Variants in APBB1IP observed in about 807,000 individuals in gnomAD.
The protein encoded by APBB1IP is amyloid beta A4 precursor protein-binding family B member 1-interacting protein.
In APBB1IP, 27 loss-of-function variants were observed where a neutral mutation model predicts 64.9. The ratio of observed to expected loss-of-function variants is 0.42; its 90% CI spans 0.31 to 0.57. The LOEUF (loss-of-function observed/expected upper bound fraction) is 0.57. Ranked by LOEUF, APBB1IP falls within the 20% of genes least tolerant of loss-of-function variation. The pLI is 0.20. For missense variants in APBB1IP, 812 were observed against 845.5 expected (o/e 0.96, Z 0.49); for synonymous variants, 392 against 331.0 (o/e 1.18, Z -2.00).
chr10:26,500,924 C>A lies in APBB1IP; in HGVS notation c.266C>A (p.Ser89Tyr), dbSNP rs1836089104. The A allele has an allele frequency of 6.2e-7, 1 of 1,614,016 alleles. No individual in the cohort carries two copies. The highest frequency in any genetic ancestry group is 1.7e-5 in the Admixed American group (1 of 59,972). ...AGGACAATCCAGGCACAGAAAGAGT[C>A]CTTGCAGAATCAACATCATTCAGCA... ...EQRTIQAQKE[S>Y]LQNQHHSASL... The change falls in exon 5 of 15, where the codon TCC (serine) becomes TAC (tyrosine). Residue 89 changes from serine to tyrosine, a missense_variant. Coordinates refer to ENST00000376236, the MANE Select transcript of APBB1IP (RefSeq NM_019043.4).
At chr10:26,440,019 A>G (rs1835322991) in intron 2 of APBB1IP, among the ~76,000 whole-genome samples, 1 of 152,184 alleles carries the variant, frequency 6.6e-6, no homozygotes, top group African/African-American at 2.4e-5. Context: ...TTCTAGTGGT[A>G]TTTCCTGTCT....
intron 10 of APBB1IP, among the ~76,000 whole-genome samples, chr10:26,536,717 C>T (rs1396843038): frequency 8.4e-6 from 1 of 119,308 alleles, no homozygotes; most frequent in Middle Eastern, 4.4e-3. Context: ...TCAGCCCACC[C>T]CCCACCCCCC....
chr10:26,447,361 T>G (rs1589188670), intron 2 of APBB1IP, among the ~76,000 whole-genome samples: 2 of 112,412 alleles, frequency 1.8e-5, no homozygotes, highest in African/African-American at 3.7e-5. Flanking sequence ...GGTGACAGAG[T>G]GAGACTCCGT....
At chr10:26,483,642 G>C (rs900279228) in intron 2 of APBB1IP, among the ~76,000 whole-genome samples, 2 of 152,174 alleles carry the variant, frequency 1.3e-5, no homozygotes, top group Non-Finnish European at 2.9e-5. Flanking sequence ...TAACCTTCCT[G>C]AACTTCATTG....
intron 2 of APBB1IP, among the ~76,000 whole-genome samples, chr10:26,465,282 G>A (rs1835635453): frequency 6.6e-6 from 1 of 152,182 alleles, no homozygotes; most frequent in Non-Finnish European, 1.5e-5. Context: ...TGAATTGACA[G>A]GCACCCTTCA....
intron 8 of APBB1IP, 51 bp from the exon 9 acceptor site, chr10:26,533,388 C>A: frequency 8.7e-7 from 1 of 1,149,364 alleles, no homozygotes. Context: ...CTTGCAGAGT[C>A]TAGTACGGTA....
intron 3 of APBB1IP, among the ~76,000 whole-genome samples, chr10:26,494,364 A>C (rs1835994602): frequency 6.6e-6 from 1 of 152,260 alleles, no homozygotes; most frequent in African/African-American, 2.4e-5. Context: ...GAGTGTGCTC[A>C]TAAATGAGCC....
chr10:26,560,900 A>G (rs1836960000), intron 13 of APBB1IP, 56 bp downstream of exon 13: 2 of 1,332,050 alleles, frequency 1.5e-6, no homozygotes, highest in Non-Finnish European at 2.1e-6. Context: ...CTCCAGTTCA[A>G]AATGTATCCA....
At chr10:26,447,043 G>T (rs900813792) in intron 2 of APBB1IP, among the ~76,000 whole-genome samples, 1 of 152,088 alleles carries the variant, frequency 6.6e-6, no homozygotes, top group Non-Finnish European at 1.5e-5. Flanking sequence ...ATTATGGGGG[G>T]ATGATCAAGA....
At chr10:26,448,989 C>T (rs1408284928) in intron 2 of APBB1IP, among the ~76,000 whole-genome samples, 1 of 152,160 alleles carries the variant, frequency 6.6e-6, no homozygotes, top group Admixed American at 6.5e-5. Context: ...TGGCGGTTCT[C>T]AGCTCCAAAA....
intron 11 of APBB1IP, among the ~76,000 whole-genome samples, chr10:26,552,949 C>T (rs905667249): frequency 6.6e-6 from 1 of 152,172 alleles, no homozygotes; most frequent in African/African-American, 2.4e-5. Context: ...CCTCTTCAAG[C>T]AGCACCTTTG....
At chr10:26,472,187 C>T (rs892204467) in intron 2 of APBB1IP, among the ~76,000 whole-genome samples, 2 of 152,154 alleles carry the variant, frequency 1.3e-5, no homozygotes, top group Admixed American at 6.5e-5. Flanking sequence ...AGCCACACCG[C>T]ATGTAATTTT....
intron 4 of APBB1IP, among the ~76,000 whole-genome samples, chr10:26,498,946 A>G (rs557559033): frequency 6.6e-6 from 1 of 152,302 alleles, no homozygotes; most frequent in Admixed American, 6.5e-5. Flanking sequence ...CCTTTAAAAC[A>G]CTGCTAAAAC....
chr10:26,535,795 T>C (rs1836615123), intron 9 of APBB1IP, among the ~76,000 whole-genome samples: 1 of 152,166 alleles, frequency 6.6e-6, no homozygotes, highest in Admixed American at 6.5e-5. Context: ...TATTATTCCA[T>C]TTTAACAAGT....
intron 14 of APBB1IP, among the ~76,000 whole-genome samples, chr10:26,563,409 C>T (rs572143599): frequency 1.3e-5 from 2 of 152,240 alleles, no homozygotes; most frequent in South Asian, 4.2e-4. Context: ...TTTCTATTTT[C>T]CCCATTAATG....
chr10:26,479,987 G>T (rs1835816693), intron 2 of APBB1IP, among the ~76,000 whole-genome samples: 1 of 152,162 alleles, frequency 6.6e-6, no homozygotes, highest in Admixed American at 6.5e-5. Context: ...GCATCCAAAG[G>T]CCCAGGCGAC....
chr10:26,459,431 A>G (rs377757266), intron 2 of APBB1IP, among the ~76,000 whole-genome samples: 1 of 152,132 alleles, frequency 6.6e-6, no homozygotes, highest in South Asian at 2.1e-4. Flanking sequence ...AGCATGATTT[A>G]TAGTCCTTTG....
At chr10:26,470,395 CG>C (rs779229007) in intron 2 of APBB1IP, among the ~76,000 whole-genome samples, 3 of 151,944 alleles carry the variant, frequency 2.0e-5, no homozygotes, top group Non-Finnish European at 4.4e-5. Context: ...AAAAATTAGC[CG>C]GATGTGGAGG....
chr10:26,547,745 A>G (rs1028841021), intron 11 of APBB1IP, among the ~76,000 whole-genome samples: 1 of 151,988 alleles, frequency 6.6e-6, no homozygotes, highest in Non-Finnish European at 1.5e-5. Flanking sequence ...GCGCCCGGCC[A>G]GTTTTGGGTC....
Sources: gnomAD v4.1 joint callset for allele counts (sites outside exome capture counted in the v4.1 genomes callset) on GRCh38, gnomAD v4.1.1 for gene constraint, MANE v1.5 for transcripts, NCBI Gene and HGNC (gene_info 2026-07-23, HGNC 2026-07-21) for gene names.